CCM2: variants seen among roughly 807,000 people sequenced by gnomAD.
CCM2 encodes cerebral cavernous malformations 2 protein.
A neutral mutation model predicts 44.9 loss-of-function variants in CCM2; 25 were observed. That is an observed-to-expected ratio of 0.56 (90% CI 0.41 to 0.78). CCM2 has a LOEUF of 0.78. CCM2 is among the 30% of genes least tolerant of loss of function. The pLI is 0.00. For missense variants in CCM2, 481 were observed against 580.6 expected (o/e 0.83, Z 1.76); for synonymous variants, 219 against 241.1 (o/e 0.91, Z 0.85).
At chr7:45,001,862 T>C (rs1379730314) in intron 1 of CCM2, among the ~76,000 whole-genome samples, 2 of 152,230 alleles carry the variant, frequency 1.3e-5, no homozygotes, top group African/African-American at 4.8e-5. Flanking sequence ...AATTTAGGCA[T>C]AAACAGGTTA....
intron 1 of CCM2, among the ~76,000 whole-genome samples, chr7:45,030,072 T>C (rs1411630357): frequency 6.6e-6 from 1 of 152,194 alleles, no homozygotes. Context: ...CTGTGGACTC[T>C]GGCAGGTCCC....
intron 2 of CCM2, among the ~76,000 whole-genome samples, chr7:45,047,343 A>G (rs1797805015): frequency 6.6e-6 from 1 of 152,228 alleles, no homozygotes; most frequent in South Asian, 2.1e-4. Context: ...ATGGTTAAAC[A>G]AAATGAGGTC....
intron 2 of CCM2, among the ~76,000 whole-genome samples, chr7:45,039,808 C>G (rs760462411): frequency 4.6e-5 from 7 of 151,310 alleles, no homozygotes; most frequent in African/African-American, 7.3e-5. Flanking sequence ...GTGCGGATCA[C>G]TTGAGGTCAG....
In CCM2 at chr7:45,063,963, A is replaced by C; in HGVS notation, c.250A>C (p.Ser84Arg). 1 of 1,613,260 alleles carries C rather than the reference A, an allele frequency of 6.2e-7. No individual in the cohort carries two copies. Among genetic ancestry groups the C allele is most frequent in the Non-Finnish European group, 8.5e-7 (1 of 1,179,326 alleles). ...TSIPGYLNPS[S>R]RTEILHFIDN... The stretch of plus-strand genomic sequence containing the variant: ...CATACCAGGATACCTGAATCCCTCC[A>C]GTAGGACTGAAATCCTGCATTTCAT... Residue 84 changes from serine to arginine, a missense_variant, in exon 3 of 10, where the codon AGT (serine) becomes CGT (arginine). Transcript: ENST00000258781.
intron 9 of CCM2, 115 bp downstream of exon 9, chr7:45,074,523 A>G: frequency 2.4e-6 from 2 of 843,340 alleles, no homozygotes; most frequent in Non-Finnish European, 4.0e-6. Context: ...TCCATCAGGG[A>G]TGGGAGATTT....
chr7:45,075,681 A>G lies in CCM2; in HGVS notation c.1055-96A>G, dbSNP rs572659898. 2,496 of 1,481,186 alleles carry G rather than the reference A, an allele frequency of 1.7e-3. 9 individuals are homozygous for G. The highest frequency in any genetic ancestry group is 2.0e-3 in the Non-Finnish European group (2,139 of 1,064,578). The allele number at this position is 1,481,186 out of a possible 1,614,324, so 91.8% of individuals were successfully genotyped here. A position where few individuals can be genotyped will look rare whatever the true frequency, so the allele number is the denominator to read the frequency against. Reference sequence around the variant, plus strand: ...GTCCCCAAGGCCATGCACCAGGGGCAGCTGTGGCCCTGTCAGGGGGCTTTG... The same window carrying G: ...GTCCCCAAGGCCATGCACCAGGGGCGGCTGTGGCCCTGTCAGGGGGCTTTG... On this transcript the variant is annotated intron_variant, in intron 9 of 9. Coordinates refer to ENST00000258781, the MANE Select transcript of CCM2 (RefSeq NM_031443.4).
chr7:45,063,770 G>A, intron 2 of CCM2, 148 bp from the exon 3 acceptor site: 1 of 686,550 alleles, frequency 1.5e-6, no homozygotes, highest in Non-Finnish European at 2.7e-6. Context: ...TCTCTTCCTA[G>A]AGTTGGGCCT....
chr7:45,070,719 CG>C (rs1562915373), intron 6 of CCM2: 1 of 204,946 alleles, frequency 4.9e-6, no homozygotes, highest in African/African-American at 2.4e-5. Flanking sequence ...GAGGCTGAGG[CG>C]GGCGGATCAC....
intron 1 of CCM2, among the ~76,000 whole-genome samples, chr7:45,002,502 C>G (rs1795680961): frequency 7.1e-6 from 1 of 141,494 alleles, no homozygotes; most frequent in African/African-American, 2.6e-5. Context: ...TCAGGTGGGC[C>G]TTTTTTTTTT....
At chr7:45,023,957 T>C (rs1796589306) in intron 1 of CCM2, among the ~76,000 whole-genome samples, 1 of 151,914 alleles carries the variant, frequency 6.6e-6, no homozygotes, top group Admixed American at 6.6e-5. Flanking sequence ...GTTACAGACA[T>C]GTGCCACCAC....
At chr7:45,003,307 C>A (rs928966682) in intron 1 of CCM2, among the ~76,000 whole-genome samples, 8 of 151,934 alleles carry the variant, frequency 5.3e-5, no homozygotes, top group African/African-American at 1.9e-4. Context: ...AACTCCGGAT[C>A]TCAGGTGATC....
chr7:45,046,449 A>G (rs1220520826), intron 2 of CCM2, among the ~76,000 whole-genome samples: 2 of 152,220 alleles, frequency 1.3e-5, no homozygotes, highest in East Asian at 3.8e-4. Flanking sequence ...CCACACATAT[A>G]TGCCCAGCTG....
intron 1 of CCM2, chr7:45,027,236 C>G: frequency 3.5e-6 from 1 of 286,964 alleles, no homozygotes; most frequent in Non-Finnish European, 6.8e-6. Context: ...ACTGGAACAG[C>G]CTTGTCGCGT....
At position 45,075,940 on chromosome 7, in the gene CCM2, G is replaced by A. The variant is rs1431128709; in HGVS notation, c.1218G>A (p.Thr406=). 3.7e-6 allele frequency: 6 copies of A among 1,613,032 alleles called. No individual in the cohort carries two copies. Among genetic ancestry groups the A allele is most frequent in the Middle Eastern group, 1.6e-4 (1 of 6,084 alleles). The change falls in exon 10 of 10, where the codon ACG becomes ACA. Residue 406 remains threonine (T), a synonymous_variant. Coordinates refer to ENST00000258781, the MANE Select transcript of CCM2 (RefSeq NM_031443.4). ...CCACCACCAATGGGAACAGGGCCACGGGCAGCTCTGATGACCGGTCGGCAC... is the reference window on the plus strand; with the variant it reads ...CCACCACCAATGGGAACAGGGCCACAGGCAGCTCTGATGACCGGTCGGCAC... ...SSSTTNGNRA[T]GSSDDRSAPS...
intron 9 of CCM2, among the ~76,000 whole-genome samples, chr7:45,074,645 C>T (rs1799257955): frequency 6.6e-6 from 1 of 152,144 alleles, no homozygotes. Context: ...CTTCATTCTC[C>T]TGGGAACTCA....
intron 6 of CCM2, chr7:45,072,007 G>T: frequency 2.7e-6 from 1 of 374,858 alleles, no homozygotes; most frequent in South Asian, 2.0e-5. Flanking sequence ...TGCCAGAAAT[G>T]TCCCTTTTAT....
chr7:45,067,714 A>G (rs1196597445), intron 4 of CCM2: 1 of 153,150 alleles, frequency 6.5e-6, no homozygotes, highest in African/African-American at 2.4e-5. Context: ...TTTGAGGTAC[A>G]GTTTCTTATG....
Position 45,038,070 on chromosome 7 carries a change from G to A in CCM2, c.31-183G>A, listed in dbSNP as rs184038263. The stretch of plus-strand genomic sequence containing the variant: ...GCCCAGCCCCACCGTGCCGGCCTGC[G>A]TGCTGGCTGTGGTCCCTCAGGCTTG... On this transcript the variant is annotated intron_variant, in intron 1 of 9. Transcript: ENST00000258781. Among the ~76,000 whole-genome samples the A allele has an allele frequency of 9.4e-4, 143 of 152,308 alleles. 2 individuals carry two copies. The highest frequency in any genetic ancestry group is 3.3e-3 in the African/African-American group (139 of 41,574).
intron 1 of CCM2, 100 bp from the exon 2 acceptor site, chr7:45,038,153 G>T: frequency 1.5e-6 from 2 of 1,367,854 alleles, no homozygotes; most frequent in Non-Finnish European, 2.1e-6. Flanking sequence ...TTGCATGGGG[G>T]CCATGGTAGT....
Sources: allele counts gnomAD v4.1 joint callset (sites outside exome capture counted in the v4.1 genomes callset), GRCh38; gene constraint gnomAD v4.1.1; transcripts MANE v1.5; gene names NCBI Gene and HGNC (gene_info 2026-07-23, HGNC 2026-07-21).